Variants in RGS7 observed in about 807,000 individuals in gnomAD.
The protein encoded by RGS7 is regulator of G protein signaling 7, also known as regulator of G-protein signaling 7.
RGS7 carries 27 observed loss-of-function variants against 81.1 expected under a neutral mutation model. The ratio of observed to expected loss-of-function variants is 0.33; its 90% CI spans 0.25 to 0.46. RGS7 has a LOEUF of 0.46. Ranked by LOEUF, RGS7 falls within the 20% of genes least tolerant of loss-of-function variation. The probability of loss-of-function intolerance (pLI) is 1.00; values close to 1 mark genes in which losing one functional copy is unlikely to be tolerated. For missense variants in RGS7, 396 were observed against 607.4 expected, an observed-to-expected ratio of 0.65 and a Z score of 3.66; for synonymous variants, 208 against 207.7, an observed-to-expected ratio of 1.00 and a Z score of -0.01.
chr1:240,929,003 T>G (rs1399126664), intron 6 of RGS7, among the ~76,000 whole-genome samples: 1 of 152,230 alleles, frequency 6.6e-6, no homozygotes, highest in Non-Finnish European at 1.5e-5. Flanking sequence ...GTATTGAGTA[T>G]GTGAGAGGAC....
chr1:240,851,706 T>A (rs1009534073), intron 9 of RGS7, among the ~76,000 whole-genome samples: 11 of 152,290 alleles, frequency 7.2e-5, no homozygotes, highest in African/African-American at 2.4e-4. Flanking sequence ...AGTCAAAATC[T>A]TAACATTAAC....
chr1:241,028,242 G>T (rs923833093), intron 3 of RGS7, among the ~76,000 whole-genome samples: 1 of 152,216 alleles, frequency 6.6e-6, no homozygotes, highest in African/African-American at 2.4e-5. Flanking sequence ...GATGCCGATG[G>T]ATAGAGTTTT....
At chr1:240,798,150 T>C (rs1687384473) in intron 18 of RGS7, among the ~76,000 whole-genome samples, 1 of 152,186 alleles carries the variant, frequency 6.6e-6, no homozygotes, top group Non-Finnish European at 1.5e-5. Flanking sequence ...CCAGGATTGT[T>C]GTGCATGCAA....
At chr1:241,043,575 T>C (rs2060742390) in intron 3 of RGS7, among the ~76,000 whole-genome samples, 1 of 147,238 alleles carries the variant, frequency 6.8e-6, no homozygotes, top group South Asian at 2.1e-4. Flanking sequence ...ATTTTATATA[T>C]TATATTAGTT....
chr1:241,044,949 T>C (rs184432983), intron 3 of RGS7, among the ~76,000 whole-genome samples: 8 of 152,356 alleles, frequency 5.3e-5, no homozygotes, highest in Admixed American at 2.6e-4. Context: ...TGGCTGATTT[T>C]CTCAGTCTTC....
intron 6 of RGS7, among the ~76,000 whole-genome samples, chr1:240,878,078 C>A (rs76232122): frequency 0.024 from 3,580 of 152,216 alleles, 141 homozygotes; most frequent in African/African-American, 0.079. Flanking sequence ...TTCCACCCTG[C>A]CTGAGCCTCA....
chr1:241,246,824 G>A (rs1184401264), intron 2 of RGS7, among the ~76,000 whole-genome samples: 1 of 151,956 alleles, frequency 6.6e-6, no homozygotes, highest in Non-Finnish European at 1.5e-5. Flanking sequence ...GAAACATCAT[G>A]GGGGAGAGCA....
chr1:241,268,704 C>A (rs2077721664), intron 2 of RGS7, among the ~76,000 whole-genome samples: 1 of 152,040 alleles, frequency 6.6e-6, no homozygotes, highest in Non-Finnish European at 1.5e-5. Context: ...TATCTAGAGC[C>A]CCCAGTCATG....
chr1:240,793,612 T>TA (rs11270798), intron 18 of RGS7, among the ~76,000 whole-genome samples: 267 of 28,504 alleles, frequency 9.4e-3, no homozygotes, highest in East Asian at 0.027. Context: ...TATATATATA[T>TA]TTTTTTTTTT....
intron 2 of RGS7, among the ~76,000 whole-genome samples, chr1:241,287,478 C>T (rs1007433292): frequency 6.6e-6 from 1 of 152,188 alleles, no homozygotes; most frequent in African/African-American, 2.4e-5. Flanking sequence ...CCTCCTTTGT[C>T]TTCTGCCATG....
At chr1:240,844,741 G>A (rs1014511466) in intron 9 of RGS7, among the ~76,000 whole-genome samples, 2 of 152,080 alleles carry the variant, frequency 1.3e-5, no homozygotes, top group African/African-American at 4.8e-5. Flanking sequence ...GGAACAGATG[G>A]GAATAATAGA....
chr1:241,234,008 C>T (rs538590546), intron 2 of RGS7, among the ~76,000 whole-genome samples: 2 of 152,168 alleles, frequency 1.3e-5, no homozygotes, highest in East Asian at 1.9e-4. Flanking sequence ...ACTGAACTTT[C>T]GACAGTACCC....
intron 3 of RGS7, among the ~76,000 whole-genome samples, chr1:241,075,021 T>C (rs974585098): frequency 6.6e-5 from 10 of 152,138 alleles, no homozygotes; most frequent in African/African-American, 2.4e-4. Context: ...CATCCATCTC[T>C]TGCTAAAAGG....
intron 14 of RGS7, among the ~76,000 whole-genome samples, chr1:240,807,960 G>A (rs537772919): frequency 8.0e-5 from 12 of 150,628 alleles, no homozygotes; most frequent in Non-Finnish European, 1.3e-4. Flanking sequence ...GCTTGAACCC[G>A]GAAAGTGGAG....
chr1:241,102,383 G>C (rs1433725747), intron 2 of RGS7, among the ~76,000 whole-genome samples: 2 of 152,160 alleles, frequency 1.3e-5, no homozygotes, highest in African/African-American at 2.4e-5. Context: ...ATGATGGGAT[G>C]GGGGGTGGGA....
At chr1:240,821,960 C>T (rs1441030018) in intron 10 of RGS7, among the ~76,000 whole-genome samples, 1 of 152,194 alleles carries the variant, frequency 6.6e-6, no homozygotes, top group Non-Finnish European at 1.5e-5. Flanking sequence ...TAGCTATTGT[C>T]CTACAGAAGG....
chr1:241,093,265 G>T (rs1042748857), intron 3 of RGS7, among the ~76,000 whole-genome samples: 4 of 152,000 alleles, frequency 2.6e-5, no homozygotes, highest in Non-Finnish European at 5.9e-5. Context: ...GACAATTCAA[G>T]TTCTTTGTTG....
intron 9 of RGS7, among the ~76,000 whole-genome samples, chr1:240,834,882 A>G (rs1484669998): frequency 6.6e-6 from 1 of 150,928 alleles, no homozygotes; most frequent in African/African-American, 2.4e-5. Flanking sequence ...ACTTCATATG[A>G]TTTATTTTTC....
At chr1:241,101,381 A>G (rs762056646) in intron 2 of RGS7, among the ~76,000 whole-genome samples, 2 of 152,106 alleles carry the variant, frequency 1.3e-5, no homozygotes, top group African/African-American at 2.4e-5. Context: ...CTGTAATCCC[A>G]GCTACTCGGG....
Sources: gnomAD v4.1 joint callset for allele counts (sites outside exome capture counted in the v4.1 genomes callset) on GRCh38, gnomAD v4.1.1 for gene constraint, MANE v1.5 for transcripts, NCBI Gene and HGNC (gene_info 2026-07-23, HGNC 2026-07-21) for gene names.